VAPB: variants seen among roughly 807,000 people sequenced by gnomAD.
VAPB encodes the protein vesicle-associated membrane protein-associated protein B/C.
A neutral mutation model predicts 25.6 loss-of-function variants in VAPB; 7 were observed. The observed-to-expected ratio is 0.27, with a 90% CI of 0.16 to 0.51. VAPB has a LOEUF of 0.51. VAPB is among the 20% of genes least tolerant of loss of function. VAPB has a pLI of 0.97. For missense variants in VAPB, 266 were observed against 301.3 expected (o/e 0.88, Z 0.87); for synonymous variants, 112 against 109.2 (o/e 1.03, Z -0.16).
Position 58,389,324 on chromosome 20 carries a change from CGGTAGAGG to C in VAPB, c.-135_-128del. ...CCGACCCCCCCCCAGCGCGCCCACC[CGGTAGAGG>C]ACCCCCGCCCGTGCCCCGACCGGTC... On this transcript the variant is annotated 5_prime_UTR_variant, in exon 1 of 6. Transcript: ENST00000475243. The C allele has an allele frequency of 1.0e-6, 1 of 956,588 alleles. No homozygotes were observed. The highest frequency in any genetic ancestry group is 1.6e-6 in the Non-Finnish European group (1 of 622,110). The allele number at this position is 956,588 out of a possible 1,614,324, so 59.3% of individuals were successfully genotyped here.
At position 58,450,464 on chromosome 20, in the gene VAPB, A is replaced by G. The variant is rs1266180586; in HGVS notation, c.*6229A>G. The G allele has an allele frequency of 4.4e-6, 2 of 453,954 alleles. No homozygotes were observed. Among genetic ancestry groups the G allele is most frequent in the East Asian group, 1.4e-4 (2 of 14,370 alleles). 28.1% of individuals were successfully genotyped at this position (453,954 alleles called of 1,614,324 possible). A position where few individuals can be genotyped will look rare whatever the true frequency, so the allele number is the denominator to read the frequency against. On this transcript the variant is annotated 3_prime_UTR_variant, in exon 6 of 6. Transcript: ENST00000475243. ...ACTCAAGATGATACACCGAGAGAAA[A>G]ATGCAAAATATATTTGGTTCTCATT...
At chr20:58,412,654 G>A (rs997115516) in intron 1 of VAPB, among the ~76,000 whole-genome samples, 1 of 151,584 alleles carries the variant, frequency 6.6e-6, no homozygotes, top group African/African-American at 2.4e-5. Context: ...AGGATGTTAT[G>A]CTATGCTTGA....
At chr20:58,408,830 T>C (rs75616874) in intron 1 of VAPB, among the ~76,000 whole-genome samples, 8,418 of 151,568 alleles carry the variant, frequency 0.056, 368 homozygotes, top group Non-Finnish European at 0.084. Context: ...GCAGCATACA[T>C]TTTTACTATG....
At chr20:58,426,672 G>A (rs1190953986) in intron 2 of VAPB, among the ~76,000 whole-genome samples, 7 of 152,166 alleles carry the variant, frequency 4.6e-5, no homozygotes, top group Non-Finnish European at 1.0e-4. Flanking sequence ...TCTTATAGGA[G>A]GTTTTTGATC....
intron 1 of VAPB, among the ~76,000 whole-genome samples, chr20:58,410,553 A>T (rs1289398865): frequency 6.6e-6 from 1 of 151,914 alleles, no homozygotes; most frequent in Admixed American, 6.6e-5. Context: ...AGTTGCTGGG[A>T]TTACAGGTGT....
At chr20:58,406,953 C>T (rs985829109) in intron 1 of VAPB, among the ~76,000 whole-genome samples, 3 of 151,978 alleles carry the variant, frequency 2.0e-5, no homozygotes, top group Non-Finnish European at 4.4e-5. Context: ...TTTGGTCTTT[C>T]AAGTAGAGAA....
rs2123112135 is a variant in VAPB at position 58,448,099 on chromosome 20, A to G, written c.*3864A>G. The G allele has an allele frequency of 4.4e-6, 2 of 453,754 alleles. No individual in the cohort carries two copies. The highest frequency in any genetic ancestry group is 8.8e-6 in the Non-Finnish European group (2 of 226,704). The allele number at this position is 453,754 out of a possible 1,614,324, so 28.1% of individuals were successfully genotyped here. A position where few individuals can be genotyped will look rare whatever the true frequency, so the allele number is the denominator to read the frequency against. Reference sequence around the variant, plus strand: ...TCTGAGGAGACCTCTCTTAATTAACACTTGGGGCCATGTTTGCTGTTGTTG... The same window carrying G: ...TCTGAGGAGACCTCTCTTAATTAACGCTTGGGGCCATGTTTGCTGTTGTTG... On this transcript the variant is annotated 3_prime_UTR_variant, in exon 6 of 6. Coordinates refer to ENST00000475243, the MANE Select transcript of VAPB (RefSeq NM_004738.5).
intron 1 of VAPB, among the ~76,000 whole-genome samples, chr20:58,392,126 G>T (rs896968227): frequency 3.9e-5 from 6 of 152,298 alleles, no homozygotes; most frequent in Admixed American, 1.3e-4. Flanking sequence ...GTGACCTTAG[G>T]CCACTTCACT....
intron 2 of VAPB, among the ~76,000 whole-genome samples, chr20:58,427,222 A>T (rs1988812325): frequency 6.6e-6 from 1 of 151,462 alleles, no homozygotes; most frequent in Non-Finnish European, 1.5e-5. Context: ...GTGATCCGTG[A>T]TCTGTTACAA....
chr20:58,395,452 A>G (rs569895852), intron 1 of VAPB, among the ~76,000 whole-genome samples: 1 of 152,170 alleles, frequency 6.6e-6, no homozygotes, highest in African/African-American at 2.4e-5. Context: ...CCAGGCCAAG[A>G]GTGTCTTATA....
In VAPB at chr20:58,445,495, T is replaced by C. The variant is rs1348078455; in HGVS notation, c.*1260T>C. ...ATGCCATAAAAGACCAACCCAGTTCTGTTTGACTATGTAGCATCTTGAAAA... is the reference window on the plus strand; with the variant it reads ...ATGCCATAAAAGACCAACCCAGTTCCGTTTGACTATGTAGCATCTTGAAAA... On this transcript the variant is annotated 3_prime_UTR_variant, in exon 6 of 6. Transcript: ENST00000475243. 2 of 454,422 alleles carry C rather than the reference T, an allele frequency of 4.4e-6. No individual in the cohort carries two copies. The highest frequency in any genetic ancestry group is 2.4e-5 in the Admixed American group (1 of 42,546). 28.1% of individuals were successfully genotyped at this position (454,422 alleles called of 1,614,324 possible).
At chr20:58,409,429 T>C (rs1267667567) in intron 1 of VAPB, among the ~76,000 whole-genome samples, 4 of 152,192 alleles carry the variant, frequency 2.6e-5, no homozygotes, top group Non-Finnish European at 5.9e-5. Flanking sequence ...TTTTCCCACA[T>C]AGAGAGTCTA....
At chr20:58,401,510 T>A (rs1988095247) in intron 1 of VAPB, among the ~76,000 whole-genome samples, 1 of 152,200 alleles carries the variant, frequency 6.6e-6, no homozygotes, top group Non-Finnish European at 1.5e-5. Context: ...ACCCCTGTTG[T>A]CATCCTGCTC....
In VAPB at chr20:58,446,611, G is replaced by T; in HGVS notation, c.*2376G>T. On this transcript the variant is annotated 3_prime_UTR_variant, in exon 6 of 6. Coordinates refer to ENST00000475243, the MANE Select transcript of VAPB (RefSeq NM_004738.5). ...GAGTTTTGTGTACATCTAGGAGAAG[G>T]TGTTCAGCTTCTCAGAGGATGTGGA... The T allele has an allele frequency of 2.2e-6, 1 of 454,106 alleles. No individual in the cohort carries two copies. Among genetic ancestry groups the T allele is most frequent in the South Asian group, 1.6e-5 (1 of 64,474 alleles). The allele number at this position is 454,106 out of a possible 1,614,324, so 28.1% of individuals were successfully genotyped here. A position where few individuals can be genotyped will look rare whatever the true frequency, so the allele number is the denominator to read the frequency against.
intron 1 of VAPB, among the ~76,000 whole-genome samples, chr20:58,398,780 T>C (rs1232515636): frequency 6.6e-6 from 1 of 152,160 alleles, no homozygotes; most frequent in Non-Finnish European, 1.5e-5. Flanking sequence ...CCTGAAGTTA[T>C]TAACCCAAGT....
chr20:58,420,311 A>G (rs1988643513), intron 2 of VAPB, among the ~76,000 whole-genome samples: 1 of 152,202 alleles, frequency 6.6e-6, no homozygotes. Flanking sequence ...AGGAAGATCC[A>G]TTGTTTCCCC....
At chr20:58,395,916 C>A (rs1464216548) in intron 1 of VAPB, among the ~76,000 whole-genome samples, 2 of 152,090 alleles carry the variant, frequency 1.3e-5, no homozygotes, top group Non-Finnish European at 2.9e-5. Flanking sequence ...ATTTAAAAAA[C>A]AAACAAAATA....
At chr20:58,413,155 T>TTTA (rs1555812249) in intron 1 of VAPB, among the ~76,000 whole-genome samples, 62 of 139,302 alleles carry the variant, frequency 4.5e-4, no homozygotes, top group African/African-American at 1.3e-3. Context: ...TTTTTTTTTT[T>TTTA]AATTTATTTT....
rs998033613 is a variant in VAPB at position 58,439,202 on chromosome 20, A to G, written c.396+177A>G. On this transcript the variant is annotated intron_variant, in intron 4 of 5. Coordinates refer to ENST00000475243, the MANE Select transcript of VAPB (RefSeq NM_004738.5). Reference sequence around the variant, plus strand: ...GGGCCTTTATGAAATCAGCCTTTGAAAAACTCACGGAAAGACAACTGATTG... The same window carrying G: ...GGGCCTTTATGAAATCAGCCTTTGAGAAACTCACGGAAAGACAACTGATTG... 4.0e-5 allele frequency: 25 copies of G among 627,488 alleles called. No homozygotes were observed. The African/African-American group carries it at 4.4e-4, about 11-fold the overall frequency. 38.9% of individuals were successfully genotyped at this position (627,488 alleles called of 1,614,324 possible).
Sources: gnomAD v4.1 joint callset for allele counts (sites outside exome capture counted in the v4.1 genomes callset) on GRCh38, gnomAD v4.1.1 for gene constraint, MANE v1.5 for transcripts, NCBI Gene and HGNC (gene_info 2026-07-23, HGNC 2026-07-21) for gene names.